Variants in MDFI observed in about 807,000 individuals in gnomAD.
MDFI encodes MyoD family inhibitor.
A neutral mutation model predicts 22.3 loss-of-function variants in MDFI; 16 were observed. That is an observed-to-expected ratio of 0.72 (90% CI 0.49 to 1.09). The LOEUF is 1.09. Among genes scored for constraint, MDFI ranks in the 50% least tolerant of loss-of-function variants. MDFI has a pLI of 0.00. For missense variants in MDFI, 314 were observed against 326.1 expected (o/e 0.96, Z 0.29); for synonymous variants, 145 against 142.7 (o/e 1.02, Z -0.12).
intron 2 of MDFI, among the ~76,000 whole-genome samples, chr6:41,641,668 T>G (rs1436909538): frequency 2.0e-5 from 3 of 152,140 alleles, no homozygotes; most frequent in Non-Finnish European, 4.4e-5. Context: ...CGGTCAGAGT[T>G]CCAAGTGGGA....
intron 2 of MDFI, chr6:41,639,960 C>T: frequency 1.0e-6 from 1 of 973,080 alleles, no homozygotes; most frequent in Non-Finnish European, 1.2e-6. Context: ...GTCCTCTAAA[C>T]CAGAGTGAGG....
chr6:41,640,596 CCTGAATTTG>C (rs1767817362), intron 2 of MDFI, among the ~76,000 whole-genome samples: 1 of 152,220 alleles, frequency 6.6e-6, no homozygotes, highest in South Asian at 2.1e-4. Context: ...CCCACAGATG[CCTGAATTTG>C]AGACCAGAAT....
At chr6:41,645,921 C>T (rs769945509) in intron 2 of MDFI, among the ~76,000 whole-genome samples, 17 of 152,200 alleles carry the variant, frequency 1.1e-4, no homozygotes, top group Non-Finnish European at 2.4e-4. Flanking sequence ...GCATGCACAC[C>T]CTTGCTCACT....
In MDFI at chr6:41,639,399, C is replaced by T. The variant is rs1057279756; in HGVS notation, c.76+574C>T. 6.1e-6 allele frequency: 6 copies of T among 985,324 alleles called. No homozygotes were observed. In the African/African-American group the frequency reaches 1.0e-4, roughly 17 times the overall value. 61.0% of individuals were successfully genotyped at this position (985,324 alleles called of 1,614,324 possible). A position where few individuals can be genotyped will look rare whatever the true frequency, so the allele number is the denominator to read the frequency against. On this transcript the variant is annotated intron_variant, in intron 2 of 4. Transcript: ENST00000230321. ...CCCTGCCCTGTGCACACACACGCAC[C>T]CCAACCCAGTGTCTTCAGCCCAAGT... is the stretch of plus-strand genomic sequence containing the variant.
chr6:41,640,518 C>T (rs1767814423), intron 2 of MDFI, among the ~76,000 whole-genome samples: 1 of 152,224 alleles, frequency 6.6e-6, no homozygotes, highest in African/African-American at 2.4e-5. Context: ...AGGCTTCGCT[C>T]TGCCACCGCC....
In MDFI at chr6:41,646,319, G is replaced by C. The variant is rs377402088; in HGVS notation, c.259+11G>C. 188 of 1,412,942 alleles carry C rather than the reference G, an allele frequency of 1.3e-4. No individual in the cohort carries two copies. Among genetic ancestry groups the C allele is most frequent in the Non-Finnish European group, 1.7e-4 (181 of 1,078,202 alleles). 87.5% of individuals were successfully genotyped at this position (1,412,942 alleles called of 1,614,324 possible). A position where few individuals can be genotyped will look rare whatever the true frequency, so the allele number is the denominator to read the frequency against. Reference sequence around the variant, plus strand: ...CAGAAGCTGTGACATGTGAGTCCTAGGGGGCCAGGAGGTTGGATGGCAACA... The same window carrying C: ...CAGAAGCTGTGACATGTGAGTCCTACGGGGCCAGGAGGTTGGATGGCAACA... On this transcript the variant is annotated intron_variant, in intron 3 of 4. Transcript: ENST00000230321.
At chr6:41,646,374 A>G in intron 3 of MDFI, 66 bp downstream of exon 3, 1 of 1,329,148 alleles carries the variant, frequency 7.5e-7, no homozygotes, top group South Asian at 2.3e-5. Context: ...ACTCAACCCA[A>G]ATGGGTCGGC....
intron 2 of MDFI, chr6:41,639,287 C>T: frequency 1.0e-6 from 1 of 985,366 alleles, no homozygotes; most frequent in African/African-American, 1.7e-5. Flanking sequence ...CTGCCGCGAG[C>T]GGCTGCAGGA....
At position 41,646,273 on chromosome 6, in the gene MDFI, G is replaced by C. The variant is rs2127431721; in HGVS notation, c.224G>C (p.Ser75Thr). 6.7e-7 allele frequency: 1 copy of C among 1,498,296 alleles called. No individual in the cohort carries two copies. Among genetic ancestry groups the C allele is most frequent in the African/African-American group, 1.4e-5 (1 of 69,714 alleles). The allele number at this position is 1,498,296 out of a possible 1,614,324, so 92.8% of individuals were successfully genotyped here. Residue 75 changes from serine to threonine, a missense_variant, in exon 3 of 5, where the codon AGC (serine) becomes ACC (threonine). Physicochemically the swap from Ser to Thr is moderately conservative, Grantham distance 58. Coordinates refer to ENST00000230321, the MANE Select transcript of MDFI (RefSeq NM_005586.4). ...NGPGIPQGLD[S>T]TDLDVPTEAV... The stretch of plus-strand genomic sequence containing the variant: ...CCTGGCATCCCCCAGGGCCTGGACA[G>C]CACTGACCTCGACGTCCCCACAGAA...
chr6:41,644,303 G>A (rs768972774), intron 2 of MDFI, among the ~76,000 whole-genome samples: 9 of 152,292 alleles, frequency 5.9e-5, no homozygotes, highest in Non-Finnish European at 4.4e-5. Context: ...CATGGGCCCC[G>A]GGAAGGGTTC....
At chr6:41,652,141 C>T (rs1324906358) in intron 4 of MDFI, among the ~76,000 whole-genome samples, 2 of 152,048 alleles carry the variant, frequency 1.3e-5, no homozygotes, top group Non-Finnish European at 2.9e-5. Context: ...GGTATTGAAG[C>T]GGGTGGTGGA....
At position 41,638,924 on chromosome 6, in the gene MDFI, C is replaced by G; in HGVS notation, c.76+99C>G. 7.6e-7 allele frequency: 1 copy of G among 1,308,496 alleles called. No individual in the cohort carries two copies. Among genetic ancestry groups the G allele is most frequent in the Non-Finnish European group, 1.0e-6 (1 of 970,616 alleles). 81.1% of individuals were successfully genotyped at this position (1,308,496 alleles called of 1,614,324 possible). ...TCTCCGTCCCCAGACGCGGGGAGAC[C>G]GTTCCAGGGAGCTTGGTGGGGGTAG... On this transcript the variant is annotated intron_variant, in intron 2 of 4. Transcript: ENST00000230321. This position sits in a 1 kb window ranked among gnomAD's most constrained non-coding sequence, Gnocchi z 7.6.
At chr6:41,637,196 G>A (rs1221704547), upstream of MDFI, 9 of 152,110 alleles carry the variant, frequency 5.9e-5, no homozygotes, top group Admixed American at 2.0e-4. The surrounding 1 kb of genome is among the most constrained non-coding windows in gnomAD (Gnocchi z 6.8). Flanking sequence ...ACGTGGCCGC[G>A]GGTGCCGAGA....
chr6:41,647,783 C>T (rs1382810520), intron 3 of MDFI, among the ~76,000 whole-genome samples: 2 of 151,882 alleles, frequency 1.3e-5, no homozygotes, highest in Non-Finnish European at 2.9e-5. Context: ...CTACTCACGC[C>T]TGTAATCCCA....
chr6:41,642,974 C>CT (rs1163578329), intron 2 of MDFI, among the ~76,000 whole-genome samples: 1 of 152,280 alleles, frequency 6.6e-6, no homozygotes, highest in East Asian at 1.9e-4. Context: ...TCCTCCCTCT[C>CT]TAACACTGCG....
intron 2 of MDFI, chr6:41,639,495 A>G (rs1333514092): frequency 1.8e-5 from 18 of 985,290 alleles, no homozygotes; most frequent in African/African-American, 5.2e-5. Flanking sequence ...TCTCACGCCA[A>G]GTACGGTTTG....
Position 41,653,005 on chromosome 6 carries a change from G to A in MDFI, c.485-314G>A, listed in dbSNP as rs974755569. ...AGATTCATTGGAGGCCTAAATGAAT[G>A]TAATTCATGCACAGCACTCAGAACA... On this transcript the variant is annotated intron_variant, in intron 4 of 4. Coordinates refer to ENST00000230321, the MANE Select transcript of MDFI (RefSeq NM_005586.4). The surrounding 1 kb of genome is among the most constrained non-coding windows in gnomAD (Gnocchi z 4.2). Among the ~76,000 whole-genome samples the A allele has an allele frequency of 6.6e-6, 1 of 152,194 alleles. No homozygotes were observed. Among genetic ancestry groups the A allele is most frequent in the Non-Finnish European group, 1.5e-5 (1 of 68,034 alleles).
At chr6:41,645,569 C>T (rs896961893) in intron 2 of MDFI, among the ~76,000 whole-genome samples, 12 of 152,128 alleles carry the variant, frequency 7.9e-5, no homozygotes, top group African/African-American at 2.9e-4. Context: ...GCTACCTTCT[C>T]TGTCGCCTCT....
rs72863070 is a variant in MDFI at position 41,645,063 on chromosome 6, C to A, written c.77-1063C>A. 5.3e-5 allele frequency among the ~76,000 whole-genome samples: 8 copies of A among 152,168 alleles called. No individual in the cohort carries two copies. The South Asian group carries it at 1.5e-3, about 28-fold the overall frequency. On this transcript the variant is annotated intron_variant, in intron 2 of 4. Transcript: ENST00000230321. ...CTCTTGTTTCTGTGTCTCCTTGCTC[C>A]TTCTCCCAACATGATATTTGGGGAG...
Sources: gnomAD v4.1 joint callset for allele counts (sites outside exome capture counted in the v4.1 genomes callset) on GRCh38, gnomAD v4.1.1 for gene constraint, Gnocchi (gnomAD v3.1) non-coding constraint, MANE v1.5 for transcripts, NCBI Gene and HGNC (gene_info 2026-07-23, HGNC 2026-07-21) for gene names.